Variants in AGPAT4 observed in about 807,000 individuals in gnomAD.
AGPAT4 encodes the protein 1-acyl-sn-glycerol-3-phosphate acyltransferase delta.
A neutral mutation model predicts 48.0 loss-of-function variants in AGPAT4; 15 were observed. That is an observed-to-expected ratio of 0.31 (90% CI 0.21 to 0.48). The LOEUF is 0.48. Among genes scored for constraint, AGPAT4 ranks in the 20% least tolerant of loss-of-function variants. The pLI, the probability that AGPAT4 is intolerant of heterozygous loss-of-function variation, is 0.99. For synonymous variants in AGPAT4, 178 were observed against 198.7 expected, an observed-to-expected ratio of 0.90 and a Z score of 0.88; for missense variants, 314 against 482.5, an observed-to-expected ratio of 0.65 and a Z score of 3.27.
rs1171148549 is a variant in AGPAT4 at position 161,264,204 on chromosome 6, C to A, written c.-90+9734G>T. Among the ~76,000 whole-genome samples the A allele has an allele frequency of 6.6e-6, 1 of 152,190 alleles. No homozygotes were observed. The highest frequency in any genetic ancestry group is 1.9e-4 in the East Asian group (1 of 5,196). On this transcript the variant is annotated intron_variant, in intron 1 of 8. Coordinates refer to ENST00000320285, the MANE Select transcript of AGPAT4 (RefSeq NM_020133.3). This position sits in a 1 kb window ranked among gnomAD's most constrained non-coding sequence, Gnocchi z 6.8. ...CCTTCTTTCTCCCTATATTTACTAT[C>A]TCAGGGCGTCAAAGACACCCTCCAT...
In AGPAT4 at chr6:161,177,010, T is replaced by C. The variant is rs1316939126; in HGVS notation, c.179-10593A>G. 1.3e-5 allele frequency among the ~76,000 whole-genome samples: 2 copies of C among 152,224 alleles called. No individual in the cohort carries two copies. Among genetic ancestry groups the C allele is most frequent in the African/African-American group, 2.4e-5 (1 of 41,466 alleles). ...CGTGTAGAGCTTCTGCCGAGAGATC[T>C]GCTGTTAGTCTGATGGGCTTCCTTT... On this transcript the variant is annotated intron_variant, in intron 2 of 8. Coordinates refer to ENST00000320285, the MANE Select transcript of AGPAT4 (RefSeq NM_020133.3). The surrounding 1 kb of genome is among the most constrained non-coding windows in gnomAD (Gnocchi z 5.0).
chr6:161,138,380 C>T lies in AGPAT4; in HGVS notation c.1042+1042G>A, dbSNP rs1397543391. Among the ~76,000 whole-genome samples, 1 of 152,174 alleles carries T rather than the reference C, an allele frequency of 6.6e-6. No individual in the cohort carries two copies. The highest frequency in any genetic ancestry group is 2.1e-4 in the South Asian group (1 of 4,820). ...GGTTGGCTCAGTCAGAATGAATGAG[C>T]TAGGTTTATGTGCTGTGACCTGTTT... is the stretch of plus-strand genomic sequence containing the variant. On this transcript the variant is annotated intron_variant, in intron 8 of 8. Transcript: ENST00000320285. This position sits in a 1 kb window ranked among gnomAD's most constrained non-coding sequence, Gnocchi z 4.8.
rs1001533664 is a variant in AGPAT4 at position 161,180,544 on chromosome 6, T to C, written c.179-14127A>G. The stretch of plus-strand genomic sequence containing the variant: ...AATTACATAGGTGATTGCTATGAAA[T>C]ATAACAAATATGTATAATTATACAT... On this transcript the variant is annotated intron_variant, in intron 2 of 8. Transcript: ENST00000320285. This position sits in a 1 kb window ranked among gnomAD's most constrained non-coding sequence, Gnocchi z 6.4. 6.6e-6 allele frequency among the ~76,000 whole-genome samples: 1 copy of C among 152,222 alleles called. No individual in the cohort carries two copies. The highest frequency in any genetic ancestry group is 2.1e-4 in the South Asian group (1 of 4,830).
chr6:161,158,666 G>C lies in AGPAT4; in HGVS notation c.349-4356C>G, dbSNP rs1431248485. Among the ~76,000 whole-genome samples the C allele has an allele frequency of 2.0e-5, 3 of 152,346 alleles. No individual in the cohort carries two copies. Among genetic ancestry groups the C allele is most frequent in the African/African-American group, 2.4e-5 (1 of 41,590 alleles). On this transcript the variant is annotated intron_variant, in intron 3 of 8. Coordinates refer to ENST00000320285, the MANE Select transcript of AGPAT4 (RefSeq NM_020133.3). This position sits in a 1 kb window ranked among gnomAD's most constrained non-coding sequence, Gnocchi z 5.3. ...GGACGTTGGGAAGAGCTGACGCAGA[G>C]AGGGCCTGAGACCCAGTACTCTGAC...
intron 8 of AGPAT4, among the ~76,000 whole-genome samples, chr6:161,136,996 G>T (rs1779088538): frequency 1.3e-5 from 2 of 152,186 alleles, no homozygotes; most frequent in Admixed American, 1.3e-4. Flanking sequence ...AGTTAACAGG[G>T]CATGTTCAGC....
At chr6:161,205,967 G>A (rs993696728) in intron 2 of AGPAT4, among the ~76,000 whole-genome samples, 21 of 152,082 alleles carry the variant, frequency 1.4e-4, no homozygotes, top group African/African-American at 4.3e-4. Flanking sequence ...ACTCTGAAAG[G>A]TGGAGAGAAG....
intron 2 of AGPAT4, among the ~76,000 whole-genome samples, chr6:161,168,855 C>T (rs1365374478): frequency 1.3e-5 from 2 of 152,164 alleles, no homozygotes; most frequent in Admixed American, 1.3e-4. Context: ...CCGGTGGAGC[C>T]ACTTACTAGT....
Position 161,234,082 on chromosome 6 carries a change from A to G in AGPAT4, c.-89-1780T>C, listed in dbSNP as rs1015278558. Among the ~76,000 whole-genome samples, 2 of 152,176 alleles carry G rather than the reference A, an allele frequency of 1.3e-5. No homozygotes were observed. Among genetic ancestry groups the G allele is most frequent in the Non-Finnish European group, 2.9e-5 (2 of 68,014 alleles). ...GTGAGGCGGGAGGTCTCTTGGGCTCACAACTCCCTTTGGCAGAGCAGCCCA... is the reference window on the plus strand; with the variant it reads ...GTGAGGCGGGAGGTCTCTTGGGCTCGCAACTCCCTTTGGCAGAGCAGCCCA... On this transcript the variant is annotated intron_variant, in intron 1 of 8. Transcript: ENST00000320285. This position sits in a 1 kb window ranked among gnomAD's most constrained non-coding sequence, Gnocchi z 4.4.
At chr6:161,203,125 T>TG (rs1250441336) in intron 2 of AGPAT4, among the ~76,000 whole-genome samples, 1 of 152,192 alleles carries the variant, frequency 6.6e-6, no homozygotes, top group African/African-American at 2.4e-5. Context: ...CTGTAATTCA[T>TG]GGGGTCATTT....
intron 1 of AGPAT4, among the ~76,000 whole-genome samples, chr6:161,256,808 T>C (rs947299874): frequency 1.3e-5 from 2 of 152,226 alleles, no homozygotes; most frequent in African/African-American, 4.8e-5. Context: ...TTCATCAGTT[T>C]GGCAACACTG....
intron 2 of AGPAT4, among the ~76,000 whole-genome samples, chr6:161,207,109 T>G (rs958251469): frequency 6.6e-6 from 1 of 152,360 alleles, no homozygotes; most frequent in Middle Eastern, 3.4e-3. Context: ...AAGAGTCTTA[T>G]GTTTCTACCA....
rs41268545 is a variant in AGPAT4 at position 161,132,879 on chromosome 6, G to A, written c.*3661C>T. The A allele has an allele frequency of 0.035, 5,281 of 152,334 alleles. 133 individuals are homozygous for A. The highest frequency in any genetic ancestry group is 0.084 in the South Asian group (407 of 4,820). The allele number at this position is 152,334 out of a possible 1,614,324, so 9.4% of individuals were successfully genotyped here. ...CTCCTGGTCAGCTACAGACACAGGCGGGTTAGGGCCCGTCTTGCTTTCATG... is the reference window on the plus strand; with the variant it reads ...CTCCTGGTCAGCTACAGACACAGGCAGGTTAGGGCCCGTCTTGCTTTCATG... On this transcript the variant is annotated 3_prime_UTR_variant, in exon 9 of 9. Transcript: ENST00000320285.
At position 161,149,181 on chromosome 6, in the gene AGPAT4, A is replaced by G. The variant is rs1372058561; in HGVS notation, c.767+6T>C. The G allele has an allele frequency of 6.2e-7, 1 of 1,611,326 alleles. No homozygotes were observed. Reference sequence around the variant, plus strand: ...TCTTTTCTGGAAAGGAAACAGTTCGACTTACCTAACATACAAATCTGCATG... The same window carrying G: ...TCTTTTCTGGAAAGGAAACAGTTCGGCTTACCTAACATACAAATCTGCATG... On this transcript the variant is annotated splice_donor_region_variant and intron_variant, in intron 6 of 8. Transcript: ENST00000320285. This position sits in a 1 kb window ranked among gnomAD's most constrained non-coding sequence, Gnocchi z 6.5.
rs1373673408 is a variant in AGPAT4 at position 161,212,555 on chromosome 6, G to GT, written c.178+19480dup. On this transcript the variant is annotated intron_variant, in intron 2 of 8. Transcript: ENST00000320285. This position sits in a 1 kb window ranked among gnomAD's most constrained non-coding sequence, Gnocchi z 6.1. ...AATGGTGTTTGGTTTCCTTTAGGTT[G>GT]TATTTGTATAAATATGTTATTGGTA... Among the ~76,000 whole-genome samples the GT allele has an allele frequency of 3.3e-5, 5 of 152,142 alleles. No individual in the cohort carries two copies. The highest frequency in any genetic ancestry group is 1.2e-4 in the African/African-American group (5 of 41,444).
intron 1 of AGPAT4, among the ~76,000 whole-genome samples, chr6:161,248,354 C>A (rs1782718075): frequency 6.6e-6 from 1 of 152,096 alleles, no homozygotes; most frequent in Admixed American, 6.5e-5. Flanking sequence ...ACGGGCGGAT[C>A]ATGAGGTCAG....
Position 161,146,701 on chromosome 6 carries a change from C to T in AGPAT4, c.768-102G>A, listed in dbSNP as rs545337522. ...CGTTTTTTGTTTTTATCTGGGTCAC[C>T]TAAATAATGTGGAACTGAAGAGAGT... On this transcript the variant is annotated intron_variant, in intron 6 of 8. Coordinates refer to ENST00000320285, the MANE Select transcript of AGPAT4 (RefSeq NM_020133.3). This position sits in a 1 kb window ranked among gnomAD's most constrained non-coding sequence, Gnocchi z 7.1. The T allele has an allele frequency of 1.4e-4, 150 of 1,034,970 alleles. 1 individual carries two copies. In the South Asian group the frequency reaches 2.0e-3, roughly 14 times the overall value. 64.1% of individuals were successfully genotyped at this position (1,034,970 alleles called of 1,614,324 possible).
intron 1 of AGPAT4, among the ~76,000 whole-genome samples, chr6:161,268,186 T>G (rs1783319171): frequency 6.6e-6 from 1 of 152,196 alleles, no homozygotes; most frequent in Non-Finnish European, 1.5e-5. Context: ...GTGAAGTCCA[T>G]GTACTGGCAC....
At chr6:161,194,492 A>G (rs113497102) in intron 2 of AGPAT4, among the ~76,000 whole-genome samples, 2 of 147,782 alleles carry the variant, frequency 1.4e-5, no homozygotes, top group Non-Finnish European at 3.0e-5. Flanking sequence ...GTATGTGTGT[A>G]TGTGTGTGTG....
In AGPAT4 at chr6:161,223,042, C is replaced by T. The variant is rs1781873569; in HGVS notation, c.178+8994G>A. On this transcript the variant is annotated intron_variant, in intron 2 of 8. Transcript: ENST00000320285. The surrounding 1 kb of genome is among the most constrained non-coding windows in gnomAD (Gnocchi z 6.3). ...TGCTTCACGGGGACGTCGCTGCGCC[C>T]TGCACAGGATGGCTGGGCTGTCCCC... is the stretch of plus-strand genomic sequence containing the variant. Among the ~76,000 whole-genome samples the T allele has an allele frequency of 6.6e-6, 1 of 152,190 alleles. No individual in the cohort carries two copies. The highest frequency in any genetic ancestry group is 1.5e-5 in the Non-Finnish European group (1 of 68,030).
Sources: allele counts gnomAD v4.1 joint callset (sites outside exome capture counted in the v4.1 genomes callset), GRCh38; gene constraint gnomAD v4.1.1; non-coding constraint Gnocchi (gnomAD v3.1); transcripts MANE v1.5; gene names NCBI Gene and HGNC (gene_info 2026-07-23, HGNC 2026-07-21).